Variants in PITPNC1 observed in about 807,000 individuals in gnomAD.
The protein encoded by PITPNC1 is cytoplasmic phosphatidylinositol transfer protein 1.
In PITPNC1, 18 loss-of-function variants were observed where a neutral mutation model predicts 44.7. The observed-to-expected ratio is 0.40, with a 90% CI of 0.28 to 0.60. The LOEUF is 0.60. Among genes scored for constraint, PITPNC1 ranks in the 20% least tolerant of loss-of-function variants. PITPNC1 has a pLI of 0.39. For synonymous variants in PITPNC1, 141 were observed against 149.6 expected (o/e 0.94, Z 0.42); for missense variants, 290 against 418.4 (o/e 0.69, Z 2.68).
intron 1 of PITPNC1, among the ~76,000 whole-genome samples, chr17:67,388,179 AT>A (rs2038083097): frequency 6.6e-6 from 1 of 152,174 alleles, no homozygotes; most frequent in African/African-American, 2.4e-5. Flanking sequence ...ATTCTTTTGT[AT>A]TTAATACATC....
intron 5 of PITPNC1, among the ~76,000 whole-genome samples, chr17:67,616,298 G>A (rs1313239035): frequency 6.6e-6 from 1 of 152,006 alleles, no homozygotes; most frequent in Non-Finnish European, 1.5e-5. Context: ...GCACTACCAC[G>A]CCCAGCAAAT....
intron 1 of PITPNC1, among the ~76,000 whole-genome samples, chr17:67,456,314 T>C: frequency 6.6e-6 from 1 of 152,234 alleles, no homozygotes; most frequent in East Asian, 1.9e-4. Flanking sequence ...GATGGGCCTC[T>C]TGTAAATAGC....
intron 1 of PITPNC1, among the ~76,000 whole-genome samples, chr17:67,455,072 T>C (rs535522893): frequency 2.6e-5 from 4 of 152,280 alleles, no homozygotes; most frequent in African/African-American, 9.6e-5. Context: ...CCTCCTGCTT[T>C]GGCTTTCCAA....
At chr17:67,582,182 C>A (rs2041244259) in intron 5 of PITPNC1, among the ~76,000 whole-genome samples, 1 of 152,158 alleles carries the variant, frequency 6.6e-6, no homozygotes, top group South Asian at 2.1e-4. Flanking sequence ...GGATTCAAAA[C>A]TGGTGTTTTA....
chr17:67,689,789 G>C (rs2042887191), intron 8 of PITPNC1, among the ~76,000 whole-genome samples: 1 of 152,160 alleles, frequency 6.6e-6, no homozygotes, highest in Non-Finnish European at 1.5e-5. Flanking sequence ...TCAGCCACTT[G>C]ATTAAGAAAG....
intron 5 of PITPNC1, among the ~76,000 whole-genome samples, chr17:67,624,118 A>G (rs1042425917): frequency 5.9e-5 from 9 of 151,882 alleles, no homozygotes; most frequent in Non-Finnish European, 5.9e-5. Flanking sequence ...TCCTTTTTCA[A>G]TCTTATTTTT....
At chr17:67,505,978 C>T (rs560117735) in intron 1 of PITPNC1, among the ~76,000 whole-genome samples, 4 of 152,172 alleles carry the variant, frequency 2.6e-5, no homozygotes, top group Non-Finnish European at 2.9e-5. Flanking sequence ...CCTTGTGAGA[C>T]GTGCCTTTTG....
intron 1 of PITPNC1, among the ~76,000 whole-genome samples, chr17:67,465,904 C>A (rs1330279565): frequency 6.6e-6 from 1 of 151,700 alleles, no homozygotes; most frequent in South Asian, 2.1e-4. Flanking sequence ...GATGGTAGGG[C>A]GGGGGTAAAT....
At chr17:67,447,843 T>C (rs2039121289) in intron 1 of PITPNC1, among the ~76,000 whole-genome samples, 1 of 147,400 alleles carries the variant, frequency 6.8e-6, no homozygotes, top group Non-Finnish European at 1.5e-5. Flanking sequence ...GGATCCCAGC[T>C]ATCTCTTTCT....
At chr17:67,427,284 C>T (rs34162152) in intron 1 of PITPNC1, among the ~76,000 whole-genome samples, 27,416 of 152,004 alleles carry the variant, frequency 0.18, 2,764 homozygotes, top group Middle Eastern at 0.33. Context: ...GATCTTGGCT[C>T]ACTGCAACCT....
At chr17:67,497,252 T>G (rs2039964861) in intron 1 of PITPNC1, among the ~76,000 whole-genome samples, 1 of 151,280 alleles carries the variant, frequency 6.6e-6, no homozygotes, top group South Asian at 2.1e-4. Flanking sequence ...CGGCGTCTCA[T>G]TCAGTCGCCC....
At chr17:67,471,465 AT>A (rs749146199) in intron 1 of PITPNC1, 4 of 356,818 alleles carry the variant, frequency 1.1e-5, no homozygotes, top group South Asian at 2.0e-5. Flanking sequence ...CATTTGAGAG[AT>A]TTTTTTCCTT....
chr17:67,472,605 C>G (rs2039557510), intron 1 of PITPNC1, among the ~76,000 whole-genome samples: 1 of 150,486 alleles, frequency 6.6e-6, no homozygotes, highest in African/African-American at 2.5e-5. Flanking sequence ...CGAGATTGCA[C>G]CACTGCACTC....
intron 1 of PITPNC1, among the ~76,000 whole-genome samples, chr17:67,497,932 C>T (rs1382143437): frequency 6.6e-6 from 1 of 151,462 alleles, no homozygotes; most frequent in Non-Finnish European, 1.5e-5. Context: ...TCAATCTTGG[C>T]TCACTACAAC....
At chr17:67,646,237 TATG>T in intron 6 of PITPNC1, among the ~76,000 whole-genome samples, 1 of 152,352 alleles carries the variant, frequency 6.6e-6, no homozygotes, top group East Asian at 1.9e-4. Flanking sequence ...CAACAATGAC[TATG>T]ATGTTTGAGG....
intron 1 of PITPNC1, among the ~76,000 whole-genome samples, chr17:67,486,503 A>G (rs1242854931): frequency 6.6e-6 from 1 of 152,186 alleles, no homozygotes; most frequent in East Asian, 1.9e-4. Flanking sequence ...ATGGTAGCAA[A>G]GTACAGCTGG....
chr17:67,418,901 CATG>C (rs1357054646), intron 1 of PITPNC1, among the ~76,000 whole-genome samples: 4 of 152,046 alleles, frequency 2.6e-5, no homozygotes, highest in African/African-American at 9.7e-5. Context: ...TTAATAGAAT[CATG>C]ATGAAAATGA....
At chr17:67,612,700 T>C (rs1598886254) in intron 5 of PITPNC1, 1 of 151,528 alleles carries the variant, frequency 6.6e-6, no homozygotes, top group East Asian at 1.9e-4. Flanking sequence ...GATGGATGGA[T>C]GGATGGATGG....
At chr17:67,438,015 C>T (rs185018541) in intron 1 of PITPNC1, among the ~76,000 whole-genome samples, 131 of 151,016 alleles carry the variant, frequency 8.7e-4, no homozygotes, top group Non-Finnish European at 6.8e-4. Flanking sequence ...TTGCAGTGAG[C>T]GGAGATCTCG....
Sources: gnomAD v4.1 joint callset for allele counts (sites outside exome capture counted in the v4.1 genomes callset) on GRCh38, gnomAD v4.1.1 for gene constraint, MANE v1.5 for transcripts, NCBI Gene and HGNC (gene_info 2026-07-23, HGNC 2026-07-21) for gene names.